Variants in NPAS3 observed in about 807,000 individuals in gnomAD.
NPAS3 encodes neuronal PAS domain-containing protein 3.
NPAS3 carries 14 observed loss-of-function variants against 73.1 expected under a neutral mutation model. That is an observed-to-expected ratio of 0.19 (90% CI 0.13 to 0.30). The LOEUF (loss-of-function observed/expected upper bound fraction) is 0.30, where lower values mean the gene tolerates loss of function less well. Ranked by LOEUF, NPAS3 falls within the 10% of genes least tolerant of loss-of-function variation. The pLI is 1.00. For missense variants in NPAS3, 1,096 were observed against 1,250.0 expected (o/e 0.88, Z 1.86); for synonymous variants, 620 against 541.5 (o/e 1.14, Z -2.01).
intron 4 of NPAS3, among the ~76,000 whole-genome samples, chr14:33,479,835 AAC>A (rs2051225650): frequency 6.6e-6 from 1 of 152,146 alleles, no homozygotes; most frequent in South Asian, 2.1e-4. Flanking sequence ...GCAATTTTTG[AAC>A]ACACTTATTT....
intron 7 of NPAS3, among the ~76,000 whole-genome samples, chr14:33,747,899 C>T (rs1454544336): frequency 2.0e-5 from 3 of 152,160 alleles, no homozygotes; most frequent in Non-Finnish European, 2.9e-5. Flanking sequence ...TTCCTCACCT[C>T]CCCATCTACA....
intron 2 of NPAS3, among the ~76,000 whole-genome samples, chr14:33,075,546 T>G (rs966974990): frequency 1.3e-5 from 2 of 152,358 alleles, no homozygotes; most frequent in South Asian, 2.1e-4. Flanking sequence ...CTCTTGAGAT[T>G]AGCAGTGTTG....
At chr14:32,936,008 A>G (rs1031498589), upstream of NPAS3, among the ~76,000 whole-genome samples, 1 of 152,076 alleles carries the variant, frequency 6.6e-6, no homozygotes, top group South Asian at 2.1e-4. Flanking sequence ...TAAACATCTG[A>G]GAGATTTGCC....
chr14:33,403,303 A>G (rs372732531), intron 4 of NPAS3, among the ~76,000 whole-genome samples: 1 of 152,130 alleles, frequency 6.6e-6, no homozygotes, highest in South Asian at 2.1e-4. Flanking sequence ...AAAAAAAAGC[A>G]TAAGAAATGT....
At position 33,800,076 on chromosome 14, in the gene NPAS3, G is replaced by A. The variant is rs1367562124; in HGVS notation, c.1769G>A (p.Gly590Asp). The stretch of plus-strand genomic sequence containing the variant: ...GACTCGGACAGCGCAGGCGAGGCGG[G>A]CGCGCAGGCCTCCAGCAAGCACCAG... The change falls in exon 12 of 12, where the codon GGC (glycine) becomes GAC (aspartate). Residue 590 changes from glycine to aspartate, a missense_variant. Gly to Asp is a moderately conservative substitution (Grantham distance 94, BLOSUM62 -1). Around this residue, in one of 5 missense-constraint regions of NPAS3, gnomAD observed 698 missense variants for 676.7 expected, o/e 1.03. Coordinates refer to ENST00000356141, the Ensembl canonical transcript of NPAS3. The surrounding 1 kb of genome is among the most constrained non-coding windows in gnomAD (Gnocchi z 6.5). The A allele has an allele frequency of 6.3e-7, 1 of 1,598,180 alleles. No homozygotes were observed. The highest frequency in any genetic ancestry group is 8.5e-7 in the Non-Finnish European group (1 of 1,175,794).
At chr14:33,430,079 T>C (rs2048719340) in intron 4 of NPAS3, among the ~76,000 whole-genome samples, 1 of 152,136 alleles carries the variant, frequency 6.6e-6, no homozygotes, top group African/African-American at 2.4e-5. Flanking sequence ...AAGCGTAATC[T>C]GGCTTGGTAT....
intron 1 of NPAS3, among the ~76,000 whole-genome samples, chr14:33,035,957 C>A (rs547674729): frequency 6.6e-6 from 1 of 152,280 alleles, no homozygotes. Context: ...ATGACAAAAA[C>A]AAAAGCATCT....
Position 33,602,373 on chromosome 14 carries a change from G to C in NPAS3, c.558+42163G>C, listed in dbSNP as rs139521096. 2.6e-4 allele frequency among the ~76,000 whole-genome samples: 39 copies of C among 152,328 alleles called. No homozygotes were observed. In the South Asian group the frequency reaches 7.1e-3, roughly 28 times the overall value. On this transcript the variant is annotated intron_variant, in intron 5 of 11. Coordinates refer to ENST00000356141, the Ensembl canonical transcript of NPAS3. ...GTAGGGTATACAAAAGGGTCTTGTC[G>C]AGCAAGTGGCTTCTGTTGCCTGTTA...
At chr14:33,600,115 C>T (rs1252480261) in intron 5 of NPAS3, among the ~76,000 whole-genome samples, 1 of 152,124 alleles carries the variant, frequency 6.6e-6, no homozygotes, top group East Asian at 1.9e-4. Context: ...TGTTTTGTTC[C>T]CTTTTGTGTG....
chr14:33,367,061 TG>T, intron 3 of NPAS3, 124 bp from the exon 4 acceptor site: 1 of 475,992 alleles, frequency 2.1e-6, no homozygotes, highest in Non-Finnish European at 3.8e-6. Flanking sequence ...TAATACTGGG[TG>T]GTGGTTCAGA....
intron 5 of NPAS3, among the ~76,000 whole-genome samples, chr14:33,634,248 TA>T (rs2058455146): frequency 1.3e-5 from 2 of 152,216 alleles, no homozygotes; most frequent in Non-Finnish European, 2.9e-5. Flanking sequence ...GCATTACCCC[TA>T]ATACGTGCAC....
intron 6 of NPAS3, among the ~76,000 whole-genome samples, chr14:33,688,423 G>A (rs746531856): frequency 1.2e-4 from 18 of 152,092 alleles, no homozygotes; most frequent in African/African-American, 3.6e-4. Flanking sequence ...CTAATACCCC[G>A]AAAGCACATG....
chr14:33,726,109 CA>C (rs2061256868), intron 6 of NPAS3, among the ~76,000 whole-genome samples: 1 of 152,144 alleles, frequency 6.6e-6, no homozygotes, highest in African/African-American at 2.4e-5. Flanking sequence ...GCCTCTCCAT[CA>C]GTAAACATAC....
intron 2 of NPAS3, among the ~76,000 whole-genome samples, chr14:33,177,207 C>T (rs2045624703): frequency 6.6e-6 from 1 of 151,578 alleles, no homozygotes; most frequent in South Asian, 2.1e-4. Context: ...TGCCATTCTC[C>T]TGTCTCAGCC....
At chr14:33,241,625 C>A (rs1310030112) in intron 3 of NPAS3, among the ~76,000 whole-genome samples, 1 of 151,944 alleles carries the variant, frequency 6.6e-6, no homozygotes, top group African/African-American at 2.4e-5. Context: ...AGTCTAGTCT[C>A]CCTCTGTACG....
At chr14:33,010,907 C>G (rs1017695578) in intron 1 of NPAS3, among the ~76,000 whole-genome samples, 8 of 148,384 alleles carry the variant, frequency 5.4e-5, no homozygotes, top group African/African-American at 2.0e-4. Flanking sequence ...TGTACTCCAG[C>G]CTGGGTGAGT....
chr14:33,238,156 A>G (rs557195692), intron 3 of NPAS3, among the ~76,000 whole-genome samples: 1 of 152,094 alleles, frequency 6.6e-6, no homozygotes, highest in East Asian at 1.9e-4. Flanking sequence ...GAAATACATG[A>G]CATTAACTCC....
chr14:33,372,072 C>A (rs2046114268), intron 4 of NPAS3, among the ~76,000 whole-genome samples: 1 of 152,110 alleles, frequency 6.6e-6, no homozygotes, highest in Non-Finnish European at 1.5e-5. Flanking sequence ...AATTAAAACA[C>A]TTACAGTTGG....
At chr14:33,442,136 A>G (rs1025956033) in intron 4 of NPAS3, among the ~76,000 whole-genome samples, 51 of 152,318 alleles carry the variant, frequency 3.3e-4, no homozygotes, top group African/African-American at 1.1e-3. Flanking sequence ...AGTAGGGTGA[A>G]GACTGGGGGG....
Sources: gnomAD v4.1 joint callset for allele counts (sites outside exome capture counted in the v4.1 genomes callset) on GRCh38, gnomAD v4.1.1 for gene constraint, gnomAD v4.1.1 regional missense constraint, Gnocchi (gnomAD v3.1) non-coding constraint, MANE v1.5 for transcripts, NCBI Gene and HGNC (gene_info 2026-07-23, HGNC 2026-07-21) for gene names.